Variants in PFKFB3 observed in about 807,000 individuals in gnomAD.
The protein encoded by PFKFB3 is 6-phosphofructo-2-kinase/fructose-2,6-bisphosphatase 3.
A neutral mutation model predicts 68.0 loss-of-function variants in PFKFB3; 33 were observed. The ratio of observed to expected loss-of-function variants is 0.49; its 90% confidence interval spans 0.37 to 0.65. The LOEUF (loss-of-function observed/expected upper bound fraction) is 0.65. PFKFB3 is among the 30% of genes least tolerant of loss of function. PFKFB3 has a pLI of 0.00. For synonymous variants in PFKFB3, 315 were observed against 288.2 expected (o/e 1.09, Z -0.94); for missense variants, 586 against 712.2 (o/e 0.82, Z 2.02).
chr10:6,203,367 G>A (rs1843464801), intron 1 of PFKFB3, 31 bp downstream of exon 1: 3 of 1,551,944 alleles, frequency 1.9e-6, no homozygotes, highest in Non-Finnish European at 2.6e-6. Context: ...CCGGGTTGCA[G>A]GGCGGGCTGC....
At chr10:6,165,573 G>A (rs1172705540) in intron 1 of PFKFB3, among the ~76,000 whole-genome samples, 1 of 152,172 alleles carries the variant, frequency 6.6e-6, no homozygotes, top group Non-Finnish European at 1.5e-5. Flanking sequence ...AACATGTCTG[G>A]CGTTCTTTGC....
At chr10:6,165,940 G>T (rs1374848160) in intron 1 of PFKFB3, among the ~76,000 whole-genome samples, 1 of 149,660 alleles carries the variant, frequency 6.7e-6, no homozygotes, top group Non-Finnish European at 1.5e-5. Flanking sequence ...TCAGCCTCGT[G>T]AGTAGCTGGG....
At chr10:6,295,487 A>T in the PFKFB3 span, among the ~76,000 whole-genome samples, 1 of 151,804 alleles carries the variant, frequency 6.6e-6, no homozygotes, top group Non-Finnish European at 1.5e-5. Flanking sequence ...TGACCTCCCA[A>T]AGTGCTGGGA....
downstream of PFKFB3, among the ~76,000 whole-genome samples, chr10:6,236,960 A>G (rs1393308106): frequency 6.6e-6 from 1 of 152,130 alleles, no homozygotes; most frequent in East Asian, 1.9e-4. Flanking sequence ...GACGTTGTAC[A>G]CACCAGTCGT....
chr10:6,254,738 A>G (rs925188441), downstream of PFKFB3: 2 of 160,488 alleles, frequency 1.2e-5, no homozygotes, highest in African/African-American at 4.9e-5. Flanking sequence ...AGGCTAAGCT[A>G]TGATGTTTGG....
chr10:6,228,186 T>C lies in PFKFB3; in HGVS notation c.1515+1821T>C. 6.2e-7 allele frequency: 1 copy of C among 1,612,758 alleles called. No homozygotes were observed. Among genetic ancestry groups the C allele is most frequent in the Non-Finnish European group, 8.5e-7 (1 of 1,179,842 alleles). ...CCTGACTGACTTCTCTCTCTGCTTC[T>C]CCTCCGCAGCCTTTGCTAGGGCAAG... On this transcript the variant is annotated intron_variant, in intron 14 of 14. Transcript: ENST00000379775. The surrounding 1 kb of genome is among the most constrained non-coding windows in gnomAD (Gnocchi z 4.5).
At chr10:6,287,742 C>A in the PFKFB3 span, among the ~76,000 whole-genome samples, 1 of 152,276 alleles carries the variant, frequency 6.6e-6, no homozygotes, top group East Asian at 1.9e-4. Context: ...ATTAATTTCA[C>A]TTATCTATAA....
intron 6 of PFKFB3, among the ~76,000 whole-genome samples, chr10:6,218,491 C>T (rs776471678): frequency 5.9e-5 from 9 of 151,990 alleles, no homozygotes; most frequent in Admixed American, 3.9e-4. Context: ...TGCAGTGACA[C>T]GGTCTTGGCT....
At chr10:6,213,540 T>G (rs1844368053) in intron 1 of PFKFB3, 83 bp from the exon 2 acceptor site, 2 of 1,466,732 alleles carry the variant, frequency 1.4e-6, no homozygotes, top group African/African-American at 2.8e-5. Context: ...GTGAAATTCT[T>G]CAGTGTTATT....
intron 1 of PFKFB3, among the ~76,000 whole-genome samples, chr10:6,160,801 A>G (rs1388183998): frequency 1.3e-5 from 2 of 151,132 alleles, no homozygotes; most frequent in Non-Finnish European, 3.0e-5. Flanking sequence ...ATATATGGAG[A>G]TTCTTTGTAC....
chr10:6,204,727 A>G (rs1346515854), intron 1 of PFKFB3, among the ~76,000 whole-genome samples: 1 of 152,270 alleles, frequency 6.6e-6, no homozygotes, highest in African/African-American at 2.4e-5. Context: ...AAAACCTGTA[A>G]GTGGAGTGGA....
downstream of PFKFB3, among the ~76,000 whole-genome samples, chr10:6,235,757 T>G (rs1845992727): frequency 7.6e-6 from 1 of 130,758 alleles, no homozygotes; most frequent in Non-Finnish European, 1.7e-5. Context: ...TAATTTAATT[T>G]TTTTCTTTTT....
the PFKFB3 span, among the ~76,000 whole-genome samples, chr10:6,305,482 A>ATT: frequency 6.6e-6 from 1 of 152,178 alleles, no homozygotes; most frequent in Non-Finnish European, 1.5e-5. Flanking sequence ...CACCCAGCCA[A>ATT]TTTGTAGGCA....
At chr10:6,224,970 A>G (rs1564639013) in intron 13 of PFKFB3, among the ~76,000 whole-genome samples, 1 of 119,324 alleles carries the variant, frequency 8.4e-6, no homozygotes, top group Non-Finnish European at 1.6e-5. Context: ...AGGCGTGGAG[A>G]GCAGAGGCCT....
intron 1 of PFKFB3, among the ~76,000 whole-genome samples, chr10:6,178,969 C>T (rs894797102): frequency 1.3e-5 from 2 of 152,260 alleles, no homozygotes; most frequent in African/African-American, 2.4e-5. Context: ...CAGGTGATTT[C>T]ATCTCTGAGG....
rs1212692413 is a variant in PFKFB3, at chr10:6,154,163, A to C, written c.16+9150A>C. ...GGGAGTGGCGGCTCAGCACGTCCTC[A>C]TCTCCCATGGTAGGGCCTTGTTTGG... On this transcript the variant is annotated intron_variant, in intron 1 of 14. Transcript: ENST00000379789. This position sits in a 1 kb window ranked among gnomAD's most constrained non-coding sequence, Gnocchi z 4.6. Among the ~76,000 whole-genome samples the C allele has an allele frequency of 6.6e-6, 1 of 151,994 alleles. No homozygotes were observed. The highest frequency in any genetic ancestry group is 1.5e-5 in the Non-Finnish European group (1 of 68,000).
chr10:6,189,590 CT>C (rs1167552941), intron 1 of PFKFB3, among the ~76,000 whole-genome samples: 1 of 150,454 alleles, frequency 6.6e-6, no homozygotes, highest in Non-Finnish European at 1.5e-5. Context: ...TCTCTGCTCA[CT>C]ACAACCACCA....
chr10:6,185,121 A>G (rs1223390947), intron 1 of PFKFB3, among the ~76,000 whole-genome samples: 1 of 152,238 alleles, frequency 6.6e-6, no homozygotes, highest in African/African-American at 2.4e-5. Context: ...AGGAAGAAGC[A>G]CTAGGGTGAC....
At chr10:6,194,641 G>A (rs1339256159) in intron 1 of PFKFB3, among the ~76,000 whole-genome samples, 1 of 152,186 alleles carries the variant, frequency 6.6e-6, no homozygotes, top group African/African-American at 2.4e-5. Flanking sequence ...CAAACAGCTT[G>A]GAGCCAAAGA....
Sources: allele counts gnomAD v4.1 joint callset (sites outside exome capture counted in the v4.1 genomes callset), GRCh38; gene constraint gnomAD v4.1.1; non-coding constraint Gnocchi (gnomAD v3.1); transcripts MANE v1.5; gene names NCBI Gene and HGNC (gene_info 2026-07-23, HGNC 2026-07-21).